TBCK: variants seen among roughly 807,000 people sequenced by gnomAD.
TBCK encodes TBC1 domain containing kinase, also known as TBC domain-containing protein kinase-like protein.
A neutral mutation model predicts 113.4 loss-of-function variants in TBCK; 99 were observed. The observed-to-expected ratio is 0.87, with a 90% CI of 0.74 to 1.03. The LOEUF is 1.03. Ranked by LOEUF, TBCK falls within the 50% of genes least tolerant of loss-of-function variation. TBCK has a pLI of 0.00. For synonymous variants in TBCK, 369 were observed against 370.8 expected, an observed-to-expected ratio of 1.00 and a Z score of 0.05; for missense variants, 1,045 against 1,061.3, an observed-to-expected ratio of 0.98 and a Z score of 0.21.
intron 23 of TBCK, among the ~76,000 whole-genome samples, chr4:106,131,183 A>G (rs895226501): frequency 6.6e-6 from 1 of 152,234 alleles, no homozygotes; most frequent in Non-Finnish European, 1.5e-5. Flanking sequence ...CCGCCATGTA[A>G]GATATGACTT....
chr4:106,144,772 C>T (rs1433140611), intron 23 of TBCK, among the ~76,000 whole-genome samples: 1 of 152,054 alleles, frequency 6.6e-6, no homozygotes, highest in African/African-American at 2.4e-5. Context: ...GCCTGTAATC[C>T]CAGCACTTTG....
At chr4:106,218,019 A>G (rs1757179704) in intron 19 of TBCK, among the ~76,000 whole-genome samples, 1 of 144,368 alleles carries the variant, frequency 6.9e-6, no homozygotes, top group Non-Finnish European at 1.5e-5. Flanking sequence ...ACCAAAACAG[A>G]GATATAGATC....
chr4:106,088,371 A>G (rs900649477), intron 25 of TBCK, among the ~76,000 whole-genome samples: 1 of 152,268 alleles, frequency 6.6e-6, no homozygotes, highest in African/African-American at 2.4e-5. Flanking sequence ...ATCACTGGTC[A>G]TCAGAGCAAA....
intron 3 of TBCK, among the ~76,000 whole-genome samples, chr4:106,271,330 AAATAT>A (rs1310706268): frequency 1.3e-5 from 2 of 152,184 alleles, no homozygotes; most frequent in Non-Finnish European, 1.5e-5. Context: ...AATTCACAAA[AAATAT>A]AATATTAATA....
intron 24 of TBCK, among the ~76,000 whole-genome samples, chr4:106,104,526 A>C (rs965343235): frequency 6.7e-6 from 1 of 149,270 alleles, no homozygotes; most frequent in East Asian, 2.0e-4. Flanking sequence ...ACTGGGCAGG[A>C]CCTCCCAACC....
At chr4:106,243,508 A>C (rs919725019) in intron 11 of TBCK, among the ~76,000 whole-genome samples, 12 of 152,146 alleles carry the variant, frequency 7.9e-5, no homozygotes, top group African/African-American at 2.7e-4. Context: ...CTTTCTACTT[A>C]ATTCAATGTA....
chr4:106,263,903 C>T (rs573246856), intron 3 of TBCK, among the ~76,000 whole-genome samples: 17 of 152,038 alleles, frequency 1.1e-4, no homozygotes, highest in Admixed American at 4.6e-4. Flanking sequence ...ATATAATTGA[C>T]GTATTTTCAC....
intron 25 of TBCK, among the ~76,000 whole-genome samples, chr4:106,072,396 T>G (rs999445872): frequency 6.6e-5 from 10 of 152,222 alleles, no homozygotes; most frequent in Non-Finnish European, 1.3e-4. Flanking sequence ...TTGAAAATTC[T>G]TTTCTTTGAG....
At chr4:106,247,310 A>G in intron 9 of TBCK, 23 bp from the exon 10 acceptor site, 1 of 1,605,308 alleles carries the variant, frequency 6.2e-7, no homozygotes. Context: ...TAAAATACAG[A>G]GCATGAATGA....
chr4:106,300,201 C>T (rs971215023), intron 2 of TBCK, among the ~76,000 whole-genome samples: 4 of 152,206 alleles, frequency 2.6e-5, no homozygotes, highest in African/African-American at 9.6e-5. Flanking sequence ...TGAGGCCCCA[C>T]CAGCCACGTG....
chr4:106,073,849 C>T (rs547481438), intron 25 of TBCK, among the ~76,000 whole-genome samples: 201 of 152,320 alleles, frequency 1.3e-3, no homozygotes, highest in African/African-American at 4.5e-3. Flanking sequence ...GCTAGGCTGC[C>T]GCCTCACAGT....
intron 24 of TBCK, among the ~76,000 whole-genome samples, chr4:106,098,468 G>A (rs991079917): frequency 2.6e-5 from 4 of 151,942 alleles, no homozygotes; most frequent in Admixed American, 6.6e-5. Flanking sequence ...ACAATTTTTG[G>A]TTAGGTTTTG....
At chr4:106,172,796 T>C (rs1213764959) in intron 22 of TBCK, among the ~76,000 whole-genome samples, 1 of 152,128 alleles carries the variant, frequency 6.6e-6, no homozygotes, top group Non-Finnish European at 1.5e-5. Flanking sequence ...ATTGTATACT[T>C]TCACTTAATC....
chr4:106,214,683 C>T lies in TBCK; in HGVS notation c.1775-1848G>A, dbSNP rs1032707997. Among the ~76,000 whole-genome samples the T allele has an allele frequency of 1.1e-4, 17 of 152,158 alleles. No individual in the cohort carries two copies. In the South Asian group the frequency reaches 1.7e-3, roughly 15 times the overall value. On this transcript the variant is annotated intron_variant, in intron 19 of 25. Transcript: ENST00000394708. ...TTAGAGAAAAAAGAATAAAAAGAAA[C>T]GAGCAAAGCCTCCAAGCAATATGGG...
intron 19 of TBCK, among the ~76,000 whole-genome samples, chr4:106,223,715 C>T (rs956203439): frequency 6.6e-6 from 1 of 152,082 alleles, no homozygotes; most frequent in Admixed American, 6.5e-5. Flanking sequence ...CAAAACACTA[C>T]AAGAGTATGT....
chr4:106,130,550 TA>T (rs1745763985), intron 23 of TBCK, among the ~76,000 whole-genome samples: 1 of 151,126 alleles, frequency 6.6e-6, no homozygotes, highest in Admixed American at 6.6e-5. Flanking sequence ...AAAGACCCTG[TA>T]ATACTATAAA....
intron 5 of TBCK, among the ~76,000 whole-genome samples, chr4:106,254,461 C>T (rs74437385): frequency 0.13 from 19,689 of 152,162 alleles, 1,602 homozygotes; most frequent in South Asian, 0.24. Context: ...GTAATTATGA[C>T]TTGAAATATT....
At chr4:106,194,884 A>G (rs530763580) in intron 20 of TBCK, 130 bp from the exon 21 acceptor site, 2 of 849,716 alleles carry the variant, frequency 2.4e-6, no homozygotes, top group East Asian at 6.3e-5. Flanking sequence ...TTAAAATAAA[A>G]GAGAATGTAG....
intron 23 of TBCK, among the ~76,000 whole-genome samples, chr4:106,141,429 T>C (rs142767126): frequency 1.4e-5 from 2 of 140,278 alleles, no homozygotes; most frequent in African/African-American, 2.5e-5. Flanking sequence ...CTCTGAAGTA[T>C]ATAATATTAT....
Sources: allele counts gnomAD v4.1 joint callset (sites outside exome capture counted in the v4.1 genomes callset), GRCh38; gene constraint gnomAD v4.1.1; transcripts MANE v1.5; gene names NCBI Gene and HGNC (gene_info 2026-07-23, HGNC 2026-07-21).